NLGN1: variants seen among roughly 807,000 people sequenced by gnomAD.
NLGN1 encodes the protein neuroligin 1.
Under a neutral mutation model 65.5 loss-of-function variants are expected in NLGN1, and 12 were observed. That is an observed-to-expected ratio of 0.18 (90% confidence interval 0.12 to 0.30). The LOEUF (loss-of-function observed/expected upper bound fraction) is 0.30. Ranked by LOEUF, NLGN1 falls within the 10% of genes least tolerant of loss-of-function variation. The probability of loss-of-function intolerance (pLI) is 1.00; values close to 1 mark genes in which losing one functional copy is unlikely to be tolerated. For synonymous variants in NLGN1, 350 were observed against 359.5 expected, an observed-to-expected ratio of 0.97 and a Z score of 0.30; for missense variants, 750 against 1,007.1, an observed-to-expected ratio of 0.74 and a Z score of 3.46.
chr3:173,809,410 G>A (rs536156453), intron 4 of NLGN1, among the ~76,000 whole-genome samples: 4 of 152,124 alleles, frequency 2.6e-5, no homozygotes, highest in African/African-American at 9.6e-5. Context: ...TGAGAGCTCA[G>A]TTGTTTTTGC....
rs147492466 is a variant in NLGN1, at chr3:173,612,271, C to A, written c.493+7180C>A. 3.4e-3 allele frequency among the ~76,000 whole-genome samples: 524 copies of A among 152,158 alleles called. 1 individual carries two copies. The highest frequency in any genetic ancestry group is 0.012 in the African/African-American group (506 of 41,528). The stretch of plus-strand genomic sequence containing the variant: ...TTTCTAATCATAAATCTTCACATAG[C>A]CTTTTATAACTGGACAGAGTACTTT... On this transcript the variant is annotated intron_variant, in intron 3 of 6. Transcript: ENST00000457714.
intron 3 of NLGN1, among the ~76,000 whole-genome samples, chr3:173,748,063 G>C (rs1461616683): frequency 6.6e-6 from 1 of 151,766 alleles, no homozygotes; most frequent in East Asian, 1.9e-4. Flanking sequence ...ACCTCCCAAA[G>C]TGCTGGGACT....
intron 4 of NLGN1, among the ~76,000 whole-genome samples, chr3:173,849,419 A>T (rs1024790978): frequency 6.6e-6 from 1 of 152,166 alleles, no homozygotes; most frequent in African/African-American, 2.4e-5. Flanking sequence ...TGTAAAAATC[A>T]TGGGACAAGT....
At chr3:173,964,486 T>C (rs1400797909) in intron 4 of NLGN1, among the ~76,000 whole-genome samples, 5 of 152,312 alleles carry the variant, frequency 3.3e-5, no homozygotes, top group East Asian at 1.9e-4. Context: ...TAATTCAATG[T>C]TCTTTCTGGT....
chr3:173,408,341 T>C (rs1362783488), intron 1 of NLGN1, among the ~76,000 whole-genome samples: 2 of 152,202 alleles, frequency 1.3e-5, no homozygotes, highest in African/African-American at 4.8e-5. Flanking sequence ...TTAATGCTCA[T>C]TGGTCATACT....
intron 3 of NLGN1, among the ~76,000 whole-genome samples, chr3:173,705,368 G>A (rs1304420117): frequency 1.3e-5 from 2 of 152,226 alleles, no homozygotes; most frequent in East Asian, 1.9e-4. Context: ...TATTTTCTGA[G>A]TTTCTGTCTT....
intron 4 of NLGN1, among the ~76,000 whole-genome samples, chr3:174,070,627 G>A (rs1006653952): frequency 6.6e-6 from 1 of 152,078 alleles, no homozygotes; most frequent in African/African-American, 2.4e-5. Context: ...ACCGCGCCCG[G>A]CCTTATCTCT....
chr3:173,756,672 G>A (rs184450084), intron 3 of NLGN1, among the ~76,000 whole-genome samples: 121 of 148,026 alleles, frequency 8.2e-4, no homozygotes, highest in Middle Eastern at 3.5e-3. Flanking sequence ...AAAAATGGCT[G>A]ATTACAGATC....
intron 4 of NLGN1, among the ~76,000 whole-genome samples, chr3:173,954,978 G>A (rs1711619272): frequency 6.6e-6 from 1 of 152,056 alleles, no homozygotes; most frequent in African/African-American, 2.4e-5. Context: ...TCTAGGGCCA[G>A]GTAGTAAAAG....
rs137963847 is a variant in NLGN1 at position 173,761,595 on chromosome 3, C to A, written c.494-46085C>A. On this transcript the variant is annotated intron_variant, in intron 3 of 6. Coordinates refer to ENST00000457714, the Ensembl canonical transcript of NLGN1. ...ATTTTGGGCAGATTTTATGAGATTT[C>A]TTATTAAATAGACCATAATATTTCT... Among the ~76,000 whole-genome samples the A allele has an allele frequency of 9.9e-5, 15 of 152,048 alleles. No homozygotes were observed. In the East Asian group the frequency reaches 2.7e-3, roughly 27 times the overall value.
chr3:173,450,941 G>A lies in NLGN1; in HGVS notation c.-321+15863G>A, dbSNP rs1049038254. Among the ~76,000 whole-genome samples, 6 of 152,066 alleles carry A rather than the reference G, an allele frequency of 3.9e-5. No homozygotes were observed. In the South Asian group the frequency reaches 8.3e-4, roughly 21 times the overall value. On this transcript the variant is annotated intron_variant, in intron 2 of 6. Coordinates refer to ENST00000457714, the Ensembl canonical transcript of NLGN1. ...GTCCCTTAAAGACTTCTCTGCATTG[G>A]TTATTCTAGTTATCCATTCATCTAA...
At chr3:174,132,887 G>T (rs1325520170) in intron 4 of NLGN1, among the ~76,000 whole-genome samples, 1 of 152,126 alleles carries the variant, frequency 6.6e-6, no homozygotes, top group Non-Finnish European at 1.5e-5. Flanking sequence ...ATCTACTAGG[G>T]TCACTCTGTC....
At position 173,518,578 on chromosome 3, in the gene NLGN1, A is replaced by G. The variant is rs17838888; in HGVS notation, c.-321+83500A>G. On this transcript the variant is annotated intron_variant, in intron 2 of 6. Transcript: ENST00000457714. Reference sequence around the variant, plus strand: ...TGTGTGTGTGTGTGGTGTGTGTGAGATATGAGTTGCAGATATTTCCCTCAT... The same window carrying G: ...TGTGTGTGTGTGTGGTGTGTGTGAGGTATGAGTTGCAGATATTTCCCTCAT... Among the ~76,000 whole-genome samples, 879 of 151,374 alleles carry G rather than the reference A, an allele frequency of 5.8e-3. 25 individuals are homozygous for G. In the South Asian group the frequency reaches 0.066, roughly 11 times the overall value.
intron 1 of NLGN1, among the ~76,000 whole-genome samples, chr3:173,402,994 G>C (rs1717981069): frequency 6.6e-6 from 1 of 152,086 alleles, no homozygotes; most frequent in Non-Finnish European, 1.5e-5. Flanking sequence ...GCTCCTAACA[G>C]GGAGTTCCAC....
chr3:173,989,521 G>A (rs1720650931), intron 4 of NLGN1, among the ~76,000 whole-genome samples: 5 of 152,144 alleles, frequency 3.3e-5, no homozygotes, highest in Admixed American at 3.3e-4. Flanking sequence ...TTCTGATGAT[G>A]CAGTGAATCA....
At chr3:173,654,107 CA>C (rs1298649062) in intron 3 of NLGN1, among the ~76,000 whole-genome samples, 1 of 152,038 alleles carries the variant, frequency 6.6e-6, no homozygotes, top group Admixed American at 6.6e-5. Flanking sequence ...ATTTGTTTGA[CA>C]AAAACTGAAT....
At chr3:173,752,581 C>T (rs1776463738) in intron 3 of NLGN1, among the ~76,000 whole-genome samples, 1 of 152,016 alleles carries the variant, frequency 6.6e-6, no homozygotes, top group African/African-American at 2.4e-5. Flanking sequence ...GCTTAAAGTC[C>T]ATCTTTGTTA....
intron 4 of NLGN1, among the ~76,000 whole-genome samples, chr3:174,133,893 A>ACACAC: frequency 6.9e-6 from 1 of 144,898 alleles, no homozygotes; most frequent in Admixed American, 7.0e-5. Context: ...CACCCCACAA[A>ACACAC]ACACACACAC....
chr3:173,541,185 G>A lies in NLGN1; in HGVS notation c.-320-63094G>A, dbSNP rs371329025. 4.7e-4 allele frequency among the ~76,000 whole-genome samples: 71 copies of A among 152,246 alleles called. 1 individual carries two copies. Among genetic ancestry groups the A allele is most frequent in the African/African-American group, 1.5e-3 (63 of 41,568 alleles). ...AGAACATTATAAAGGCATTTATAGA[G>A]TGCTAAAAAGGAGAATTCATTCTAA... is the stretch of plus-strand genomic sequence containing the variant. On this transcript the variant is annotated intron_variant, in intron 2 of 6. Coordinates refer to ENST00000457714, the Ensembl canonical transcript of NLGN1.
Sources: gnomAD v4.1 joint callset for allele counts (sites outside exome capture counted in the v4.1 genomes callset) on GRCh38, gnomAD v4.1.1 for gene constraint, MANE v1.5 for transcripts, NCBI Gene and HGNC (gene_info 2026-07-23, HGNC 2026-07-21) for gene names.